PRKCH: variants seen among roughly 807,000 people sequenced by gnomAD.
The protein encoded by PRKCH is protein kinase C eta type.
A neutral mutation model predicts 82.5 loss-of-function variants in PRKCH; 28 were observed. That is an observed-to-expected ratio of 0.34 (90% CI 0.25 to 0.47). The LOEUF is 0.47. Ranked by LOEUF, PRKCH falls within the 20% of genes least tolerant of loss-of-function variation. The probability of loss-of-function intolerance (pLI) is 1.00; values close to 1 mark genes in which losing one functional copy is unlikely to be tolerated. For synonymous variants in PRKCH, 322 were observed against 327.4 expected (o/e 0.98, Z 0.18); for missense variants, 705 against 881.8 (o/e 0.80, Z 2.54).
chr14:61,439,850 C>T (rs1883872818), intron 2 of PRKCH, among the ~76,000 whole-genome samples: 1 of 152,170 alleles, frequency 6.6e-6, no homozygotes, highest in Non-Finnish European at 1.5e-5. Context: ...TTCCTAAATC[C>T]TCCTCTGGTT....
At chr14:61,335,300 G>C (rs1287360545) in intron 1 of PRKCH, among the ~76,000 whole-genome samples, 1 of 152,140 alleles carries the variant, frequency 6.6e-6, no homozygotes, top group Non-Finnish European at 1.5e-5. Context: ...GTTTTCTAAA[G>C]AGAGGATGGG....
intron 1 of PRKCH, among the ~76,000 whole-genome samples, chr14:61,229,243 T>C (rs7145259): frequency 0.76 from 114,840 of 152,104 alleles, 45,600 homozygotes; most frequent in Non-Finnish European, 0.89. Flanking sequence ...TTTTTCATAG[T>C]ATTGATATAC....
chr14:61,491,063 A>G (rs761057431), intron 10 of PRKCH, among the ~76,000 whole-genome samples: 4 of 152,006 alleles, frequency 2.6e-5, no homozygotes, highest in Non-Finnish European at 5.9e-5. Context: ...CCCACCTCCT[A>G]GGACCTCTCT....
chr14:61,505,357 G>A (rs550180916), intron 10 of PRKCH, among the ~76,000 whole-genome samples: 1 of 146,330 alleles, frequency 6.8e-6, no homozygotes, highest in Admixed American at 6.9e-5. Flanking sequence ...AGCCGTGAGA[G>A]AGCTCTCTAG....
intron 1 of PRKCH, among the ~76,000 whole-genome samples, chr14:61,342,728 C>T (rs1403584546): frequency 6.6e-6 from 1 of 152,224 alleles, no homozygotes; most frequent in Non-Finnish European, 1.5e-5. Flanking sequence ...ATCTTAACAT[C>T]TCTTGCTGCA....
At position 61,303,161 on chromosome 14, in the gene PRKCH, C is replaced by T. The variant is rs965244110; in HGVS notation, c.-19+115493C>T. On this transcript the variant is annotated intron_variant, in intron 1 of 3. Transcript: ENST00000555185. ...GCCTCTCGAGTAGCTACAGATGCTA[C>T]AGCTACAGATGTCTATCACCATGCC... The T allele has an allele frequency of 3.3e-5, 5 of 152,154 alleles. No individual in the cohort carries two copies. In the Middle Eastern group the frequency reaches 0.01, roughly 311 times the overall value. 9.4% of individuals were successfully genotyped at this position (152,154 alleles called of 1,614,324 possible).
chr14:61,362,022 A>G (rs2046230833), intron 1 of PRKCH, among the ~76,000 whole-genome samples: 1 of 152,224 alleles, frequency 6.6e-6, no homozygotes, highest in Non-Finnish European at 1.5e-5. Flanking sequence ...ATTCCTTTTT[A>G]AGACTAATTG....
At chr14:61,250,205 C>G (rs1051313924) in intron 1 of PRKCH, among the ~76,000 whole-genome samples, 1 of 150,488 alleles carries the variant, frequency 6.6e-6, no homozygotes, top group Non-Finnish European at 1.5e-5. Flanking sequence ...GAGCCGAACT[C>G]CAGCCTGGGC....
intron 1 of PRKCH, among the ~76,000 whole-genome samples, chr14:61,247,299 C>T (rs1233719616): frequency 1.3e-5 from 2 of 151,308 alleles, no homozygotes; most frequent in African/African-American, 2.4e-5. Context: ...AGGAACACAA[C>T]GTATACAGAT....
intron 10 of PRKCH, among the ~76,000 whole-genome samples, chr14:61,515,173 G>C (rs1005509798): frequency 3.3e-5 from 5 of 152,188 alleles, no homozygotes; most frequent in African/African-American, 1.2e-4. Context: ...AGACAGGGAG[G>C]GGGTGAAGAA....
intron 4 of PRKCH, 150 bp from the exon 5 acceptor site, chr14:61,449,014 G>A: frequency 1.5e-6 from 1 of 664,642 alleles, no homozygotes; most frequent in Non-Finnish European, 2.7e-6. Context: ...TGGTGGCGAA[G>A]GCAATAGGAA....
chr14:61,302,131 C>T (rs1594899567), intron 1 of PRKCH, among the ~76,000 whole-genome samples: 2 of 152,130 alleles, frequency 1.3e-5, no homozygotes, highest in African/African-American at 4.8e-5. Context: ...TCCAATTTAT[C>T]TAAGTTGTTG....
At chr14:61,393,987 G>T (rs897213520) in intron 2 of PRKCH, among the ~76,000 whole-genome samples, 1 of 152,096 alleles carries the variant, frequency 6.6e-6, no homozygotes, top group African/African-American at 2.4e-5. Flanking sequence ...TAATCTTTTG[G>T]TGGGAGGGTT....
At chr14:61,191,626 T>C (rs1594844770) in intron 1 of PRKCH, among the ~76,000 whole-genome samples, 1 of 151,414 alleles carries the variant, frequency 6.6e-6, no homozygotes, top group East Asian at 1.9e-4. Flanking sequence ...TAAGCTGAGA[T>C]GGAGCCACTG....
chr14:61,198,411 C>T (rs1016054847), intron 1 of PRKCH, among the ~76,000 whole-genome samples: 1 of 152,206 alleles, frequency 6.6e-6, no homozygotes, highest in African/African-American at 2.4e-5. Flanking sequence ...CCTGACTCGT[C>T]AAGCAAACTC....
chr14:61,443,844 G>A (rs557330158), intron 3 of PRKCH, among the ~76,000 whole-genome samples: 2 of 152,300 alleles, frequency 1.3e-5, no homozygotes, highest in East Asian at 1.9e-4. Context: ...TGAAGCTTAA[G>A]TCTCAGTCTC....
intron 1 of PRKCH, among the ~76,000 whole-genome samples, chr14:61,324,790 A>C (rs956063222): frequency 6.6e-6 from 1 of 152,198 alleles, no homozygotes; most frequent in Non-Finnish European, 1.5e-5. Flanking sequence ...GGATTAAAGA[A>C]ATACTTATTT....
chr14:61,416,033 T>TTTTTCTTTTC (rs1236415116), intron 2 of PRKCH, among the ~76,000 whole-genome samples: 2 of 143,194 alleles, frequency 1.4e-5, no homozygotes, highest in African/African-American at 2.6e-5. Context: ...CCTTGCCTCT[T>TTTTTCTTTTC]TTTTCTTTTC....
At chr14:61,489,210 T>A (rs1389239945) in intron 10 of PRKCH, among the ~76,000 whole-genome samples, 1 of 152,184 alleles carries the variant, frequency 6.6e-6, no homozygotes, top group Non-Finnish European at 1.5e-5. Flanking sequence ...CAGAACGCCC[T>A]TTATCAGAGC....
Sources: allele counts gnomAD v4.1 joint callset (sites outside exome capture counted in the v4.1 genomes callset), GRCh38; gene constraint gnomAD v4.1.1; transcripts MANE v1.5; gene names NCBI Gene and HGNC (gene_info 2026-07-23, HGNC 2026-07-21).